The following CALD1 variants were observed in gnomAD, a reference collection of about 807,000 sequenced individuals.
CALD1 encodes the protein caldesmon.
Under a neutral mutation model 99.9 loss-of-function variants are expected in CALD1, and 33 were observed. The observed-to-expected ratio is 0.33, with a 90% CI of 0.25 to 0.44. The LOEUF is 0.44. CALD1 is among the 20% of genes least tolerant of loss of function. CALD1 has a pLI of 1.00. For synonymous variants in CALD1, 310 were observed against 325.0 expected (o/e 0.95, Z 0.50); for missense variants, 861 against 962.1 (o/e 0.89, Z 1.39).
chr7:134,833,458 C>T (rs1375371966), intron 1 of CALD1, among the ~76,000 whole-genome samples: 3 of 152,162 alleles, frequency 2.0e-5, no homozygotes, highest in African/African-American at 7.2e-5. Flanking sequence ...ATACTGTCCA[C>T]GTTACCATCA....
At chr7:134,712,328 T>A in the CALD1 span, among the ~76,000 whole-genome samples, 1 of 152,238 alleles carries the variant, frequency 6.6e-6, no homozygotes, top group Non-Finnish European at 1.5e-5. Flanking sequence ...GTCTGGAATC[T>A]GTCTTGGCGC....
intron 2 of CALD1, among the ~76,000 whole-genome samples, chr7:134,849,010 C>A (rs1799966991): frequency 6.6e-6 from 1 of 152,098 alleles, no homozygotes; most frequent in East Asian, 1.9e-4. Context: ...TTCTAGTATT[C>A]CTTACCATAA....
rs559382208 is a variant in CALD1 at position 134,969,877 on chromosome 7, T to C, written c.*1532T>C. On this transcript the variant is annotated 3_prime_UTR_variant, in exon 15 of 15. Transcript: ENST00000361675. ...GCTGGATACATACAGTGGAGTTCTA[T>C]AAACTCATACCTCAGTGGACTTAAC... 4 of 152,762 alleles carry C rather than the reference T, an allele frequency of 2.6e-5. No individual in the cohort carries two copies. The South Asian group carries it at 6.2e-4, about 24-fold the overall frequency. 9.5% of individuals were successfully genotyped at this position (152,762 alleles called of 1,614,324 possible).
chr7:134,941,297 A>C, intron 7 of CALD1, 60 bp downstream of exon 7: 4 of 1,325,684 alleles, frequency 3.0e-6, no homozygotes, highest in Non-Finnish European at 4.2e-6. Flanking sequence ...AAAAAAAAAA[A>C]GTCAGTCTTC....
At chr7:134,883,977 C>G (rs1384031873) in intron 3 of CALD1, among the ~76,000 whole-genome samples, 1 of 152,196 alleles carries the variant, frequency 6.6e-6, no homozygotes. Context: ...TGGCACATGC[C>G]TGTAATCCCA....
intron 2 of CALD1, among the ~76,000 whole-genome samples, chr7:134,867,293 ACTTTT>A (rs1276942478): frequency 2.0e-5 from 3 of 152,150 alleles, no homozygotes; most frequent in East Asian, 1.9e-4. Context: ...TCTTCTTGCC[ACTTTT>A]CTTTTCTGTT....
chr7:134,816,861 T>G (rs889453429), intron 1 of CALD1, among the ~76,000 whole-genome samples: 5 of 152,314 alleles, frequency 3.3e-5, no homozygotes, highest in Admixed American at 2.0e-4. Flanking sequence ...AACAATGAGC[T>G]TCAGTCTTCT....
At chr7:134,743,868 G>A (rs10085606), upstream of CALD1, among the ~76,000 whole-genome samples, 792 of 152,230 alleles carry the variant, frequency 5.2e-3, 6 homozygotes, top group African/African-American at 0.018. Context: ...CTTGTTCCCC[G>A]GGGCAGAAGA....
chr7:134,932,923 T>A, intron 4 of CALD1, 65 bp from the exon 5 acceptor site: 2 of 1,115,640 alleles, frequency 1.8e-6, no homozygotes, highest in South Asian at 1.5e-5. Flanking sequence ...TAGCACAGGC[T>A]GTATGAATGC....
In CALD1 at chr7:134,849,564, CTATTA is replaced by C. The variant is rs1036649961; in HGVS notation, c.-42+5598_-42+5602del. ...GTAAATCACTGTTATACTGTATTTCCTATTATATTTTTTATTGTTGTATGGTTTTT... is the reference window on the plus strand; with the variant it reads ...GTAAATCACTGTTATACTGTATTTCCTATTTTTTATTGTTGTATGGTTTTT... On this transcript the variant is annotated intron_variant, in intron 2 of 14. Transcript: ENST00000361675. 9.9e-5 allele frequency among the ~76,000 whole-genome samples: 15 copies of C among 151,898 alleles called. No individual in the cohort carries two copies. The South Asian group carries it at 1.0e-3, about 11-fold the overall frequency.
At position 134,802,865 on chromosome 7, in the gene CALD1, G is replaced by A. The variant is rs536735478; in HGVS notation, c.-130+23116G>A. On this transcript the variant is annotated intron_variant, in intron 1 of 14. Coordinates refer to ENST00000361675, the MANE Select transcript of CALD1 (RefSeq NM_033138.4). ...GTGTAAGATTCAAGTACCTTTTTCC[G>A]TGTTTGTGTGTGTAAACACAAGTTT... Among the ~76,000 whole-genome samples the A allele has an allele frequency of 1.2e-4, 18 of 152,268 alleles. No homozygotes were observed. The East Asian group carries it at 2.9e-3, about 24-fold the overall frequency.
At chr7:134,771,966 G>A (rs1010356918) in intron 1 of CALD1, among the ~76,000 whole-genome samples, 9 of 151,900 alleles carry the variant, frequency 5.9e-5, no homozygotes, top group African/African-American at 2.2e-4. Flanking sequence ...ATATTCATGT[G>A]TTAACTAATG....
At chr7:134,789,648 G>A (rs149673783) in intron 1 of CALD1, among the ~76,000 whole-genome samples, 75 of 152,222 alleles carry the variant, frequency 4.9e-4, no homozygotes, top group African/African-American at 1.6e-3. Context: ...ACCTGTTAGC[G>A]TGGGGCTTAG....
chr7:134,832,466 A>G (rs1799269574), intron 1 of CALD1, among the ~76,000 whole-genome samples: 1 of 152,218 alleles, frequency 6.6e-6, no homozygotes, highest in African/African-American at 2.4e-5. Context: ...AGCAGTCTGG[A>G]AAACCAGCAA....
chr7:134,806,296 G>C (rs1387680291), intron 1 of CALD1, among the ~76,000 whole-genome samples: 1 of 152,152 alleles, frequency 6.6e-6, no homozygotes, highest in African/African-American at 2.4e-5. Context: ...CACAAAAAGG[G>C]GTTTTTCTCC....
rs544595857 is a variant in CALD1, at chr7:134,892,562, A to G, written c.71+24758A>G. Among the ~76,000 whole-genome samples, 137 of 152,322 alleles carry G rather than the reference A, an allele frequency of 9.0e-4. 1 individual carries two copies. Among genetic ancestry groups the G allele is most frequent in the African/African-American group, 2.9e-3 (119 of 41,564 alleles). ...CCAGCGTTTGTGCAACAGTTAATCA[A>G]ATAAACAGAGAAACTCATCAGGGTC... On this transcript the variant is annotated intron_variant, in intron 3 of 14. Coordinates refer to ENST00000361675, the MANE Select transcript of CALD1 (RefSeq NM_033138.4).
chr7:134,887,101 C>T (rs1330579908), intron 3 of CALD1, among the ~76,000 whole-genome samples: 4 of 152,166 alleles, frequency 2.6e-5, no homozygotes, highest in Admixed American at 1.3e-4. Flanking sequence ...AATTAAGAAA[C>T]GTGTATCAGC....
upstream of CALD1, among the ~76,000 whole-genome samples, chr7:134,778,834 A>T (rs1229686966): frequency 2.0e-5 from 3 of 152,196 alleles, no homozygotes; most frequent in Non-Finnish European, 4.4e-5. Context: ...CTATCTCCAC[A>T]TCACCAAATC....
chr7:134,950,031 T>C lies in CALD1; in HGVS notation c.1795-343T>C, dbSNP rs561136731. On this transcript the variant is annotated intron_variant, in intron 8 of 14. Transcript: ENST00000361675. The stretch of plus-strand genomic sequence containing the variant: ...CCCTGGGCCATGGGTTGGACAAGTT[T>C]GGTGTAAGCATTTTACATGTGCTAT... 1.7e-3 allele frequency among the ~76,000 whole-genome samples: 260 copies of C among 152,332 alleles called. 1 individual carries two copies. Among genetic ancestry groups the C allele is most frequent in the Admixed American group, 4.8e-3 (73 of 15,308 alleles).
Sources: gnomAD v4.1 joint callset for allele counts (sites outside exome capture counted in the v4.1 genomes callset) on GRCh38, gnomAD v4.1.1 for gene constraint, MANE v1.5 for transcripts, NCBI Gene and HGNC (gene_info 2026-07-23, HGNC 2026-07-21) for gene names.